ZNF260: variants seen among roughly 807,000 people sequenced by gnomAD.
ZNF260 encodes zfp-260.
A neutral mutation model predicts 29.3 loss-of-function variants in ZNF260; 21 were observed. The ratio of observed to expected loss-of-function variants is 0.72; its 90% CI spans 0.51 to 1.03. The LOEUF is 1.03. Ranked by LOEUF, ZNF260 falls within the 50% of genes least tolerant of loss-of-function variation. ZNF260 has a pLI of 0.00. For synonymous variants in ZNF260, 156 were observed against 156.8 expected, an observed-to-expected ratio of 0.99 and a Z score of 0.04; for missense variants, 465 against 487.8, an observed-to-expected ratio of 0.95 and a Z score of 0.44.
chr19:36,523,545 C>G (rs2034679512), intron 2 of ZNF260, among the ~76,000 whole-genome samples: 1 of 150,204 alleles, frequency 6.7e-6, no homozygotes, highest in Non-Finnish European at 1.5e-5. Context: ...ATCAAGTATA[C>G]ATATTAAATT....
intron 2 of ZNF260, among the ~76,000 whole-genome samples, chr19:36,519,198 C>T (rs1008517181): frequency 1.3e-5 from 2 of 152,110 alleles, no homozygotes; most frequent in Non-Finnish European, 2.9e-5. Context: ...TGTCTGAAAG[C>T]TTGGGAAGAA....
In ZNF260 at chr19:36,515,448, T is replaced by C. The variant is rs1270837808; in HGVS notation, c.-210A>G. ...AAAGGGATAAAATGTAACATTCTCTTTATATTCTTAATGGTTCTTATATAG... is the reference window on the plus strand; with the variant it reads ...AAAGGGATAAAATGTAACATTCTCTCTATATTCTTAATGGTTCTTATATAG... On this transcript the variant is annotated 5_prime_UTR_variant, in exon 3 of 3. Coordinates refer to ENST00000523638, the MANE Select transcript of ZNF260 (RefSeq NM_001166037.2). 2.0e-6 allele frequency: 1 copy of C among 501,952 alleles called. No homozygotes were observed. The highest frequency in any genetic ancestry group is 3.5e-6 in the Non-Finnish European group (1 of 282,188). The allele number at this position is 501,952 out of a possible 1,614,324, so 31.1% of individuals were successfully genotyped here.
rs1023101976 is a variant in ZNF260, at chr19:36,512,629, G to T, written c.*1371C>A. ...TAACCAATTCTTAGTACTAGGGCTG[G>T]TTAGTGTTGATTTTATTCAAATTCA... On this transcript the variant is annotated 3_prime_UTR_variant, in exon 3 of 3. Coordinates refer to ENST00000523638, the MANE Select transcript of ZNF260 (RefSeq NM_001166037.2). 2 of 131,360 alleles carry T rather than the reference G, an allele frequency of 1.5e-5. No homozygotes were observed. The highest frequency in any genetic ancestry group is 6.0e-5 in the African/African-American group (2 of 33,600). The allele number at this position is 131,360 out of a possible 1,614,324, so 8.1% of individuals were successfully genotyped here.
intron 2 of ZNF260, among the ~76,000 whole-genome samples, chr19:36,524,668 C>G (rs1397122478): frequency 2.0e-5 from 3 of 151,754 alleles, no homozygotes; most frequent in Non-Finnish European, 4.4e-5. Context: ...TGCGGCCTTC[C>G]GCAGTGTTTG....
chr19:36,520,136 T>A (rs2034618369), intron 2 of ZNF260, among the ~76,000 whole-genome samples: 1 of 148,854 alleles, frequency 6.7e-6, no homozygotes, highest in Non-Finnish European at 1.5e-5. Context: ...GAGGAGGAAG[T>A]TGCAGTGAAC....
rs1186047704 is a variant in ZNF260, at chr19:36,515,761, T to A, written c.-461-62A>T. 2.6e-5 allele frequency: 4 copies of A among 152,772 alleles called. No individual in the cohort carries two copies. In the South Asian group the frequency reaches 8.3e-4, roughly 32 times the overall value. 9.5% of individuals were successfully genotyped at this position (152,772 alleles called of 1,614,324 possible). On this transcript the variant is annotated intron_variant, in intron 2 of 2. Transcript: ENST00000523638. ...TTAATATAATATATAGTGCCTGGCA[T>A]GTAATAAGCGTCCAATAAATTAGGT...
At position 36,514,780 on chromosome 19, in the gene ZNF260, C is replaced by A; in HGVS notation, c.459G>T (p.Glu153Asp). 1 of 1,613,726 alleles carries A rather than the reference C, an allele frequency of 6.2e-7. No homozygotes were observed. The highest frequency in any genetic ancestry group is 1.1e-5 in the South Asian group (1 of 91,072). The change falls in exon 3 of 3, where the codon GAG becomes GAT. Residue 153 changes from glutamate to aspartate, a missense_variant. Glu to Asp is a conservative substitution (Grantham distance 45). Coordinates refer to ENST00000523638, the MANE Select transcript of ZNF260 (RefSeq NM_001166037.2). Reference protein sequence around the residue: ...KAFNGKAYLTEHEKIHTGEKP... With the variant: ...KAFNGKAYLTDHEKIHTGEKP... ...TTTCTCCAGTATGAATTTTCTCATGCTCAGTGAGATATGCTTTGCCGTTAA... is the reference window on the plus strand; with the variant it reads ...TTTCTCCAGTATGAATTTTCTCATGATCAGTGAGATATGCTTTGCCGTTAA...
rs576745197 is a variant in ZNF260, at chr19:36,514,735, C to T, written c.504G>A (p.Gln168=). ...GCTTCTGGCTGAAGGCTCTTCCACACTGATTACATTCAAATGGTTTTTCTC... is the reference window on the plus strand; with the variant it reads ...GCTTCTGGCTGAAGGCTCTTCCACATTGATTACATTCAAATGGTTTTTCTC... ...HTGEKPFECN[Q]CGRAFSQKQY... The change falls in exon 3 of 3, where the codon CAG becomes CAA. Residue 168 remains glutamine, a synonymous_variant. Coordinates refer to ENST00000523638, the MANE Select transcript of ZNF260 (RefSeq NM_001166037.2). The T allele has an allele frequency of 5.1e-5, 83 of 1,613,268 alleles. No homozygotes were observed. The East Asian group carries it at 1.7e-3, about 33-fold the overall frequency.
rs890458488 is a variant in ZNF260 at position 36,514,083 on chromosome 19, T to C, written c.1156A>G (p.Lys386Glu). 5 of 1,614,118 alleles carry C rather than the reference T, an allele frequency of 3.1e-6. No homozygotes were observed. Among genetic ancestry groups the C allele is most frequent in the Non-Finnish European group, 4.2e-6 (5 of 1,179,988 alleles). Residue 386 changes from lysine to glutamate, a missense_variant, in exon 3 of 3, where the codon AAA becomes GAA. Transcript: ENST00000523638. ...CCACATTCACTACACTGATAAGGTT[T>C]TTCACCAGTATGGATTCTCATGTGC... ...ALHMRIHTGE[K>E]PYQCSECGKA...
Position 36,514,280 on chromosome 19 carries a change from A to G in ZNF260, c.959T>C (p.Ile320Thr), listed in dbSNP as rs775467971. Residue 320 changes from isoleucine (I) to threonine (T), a missense_variant, in exon 3 of 3, where the codon ATT becomes ACT. Transcript: ENST00000523638. ...GKAFSRITSL[I>T]VHVRIHTGDK... Reference sequence around the variant, plus strand: ...ACCTGTATGAATTCTCACATGTACAATAAGTGATGTGATTCGAGAGAAGGC... The same window carrying G: ...ACCTGTATGAATTCTCACATGTACAGTAAGTGATGTGATTCGAGAGAAGGC... The G allele has an allele frequency of 1.3e-5, 21 of 1,614,012 alleles. No homozygotes were observed. In the Admixed American group the frequency reaches 2.8e-4, roughly 22 times the overall value.
At chr19:36,516,320 G>A (rs1471445687) in intron 2 of ZNF260, among the ~76,000 whole-genome samples, 1 of 152,176 alleles carries the variant, frequency 6.6e-6, no homozygotes, top group African/African-American at 2.4e-5. Context: ...ATAAGGCTAG[G>A]TATGGTGGTT....
Position 36,514,428 on chromosome 19 carries a change from T to C in ZNF260, c.811A>G (p.Ile271Val). Residue 271 changes from isoleucine to valine, a missense_variant, in exon 3 of 3, where the codon ATT becomes GTT. Ile to Val is a conservative substitution (Grantham distance 29). Coordinates refer to ENST00000523638, the MANE Select transcript of ZNF260 (RefSeq NM_001166037.2). The part of the protein sequence containing the change: ...SNLTEHEKIH[I>V]GEKPYKCNEC... ...TTACATTTGTAGGGTTTCTCTCCAA[T>C]ATGAATTTTCTCATGCTCTGTGAGA... The C allele has an allele frequency of 6.2e-7, 1 of 1,614,046 alleles. No homozygotes were observed. Among genetic ancestry groups the C allele is most frequent in the South Asian group, 1.1e-5 (1 of 91,074 alleles).
chr19:36,513,556 TTC>T lies in ZNF260; in HGVS notation c.*442_*443del, dbSNP rs1440029695. ...CATGCACACATTTCTGAATTCAATA[TTC>T]TGTCTCAGTCTCAGTTTTATGACTG... On this transcript the variant is annotated 3_prime_UTR_variant, in exon 3 of 3. Coordinates refer to ENST00000523638, the MANE Select transcript of ZNF260 (RefSeq NM_001166037.2). 1.5e-5 allele frequency: 6 copies of T among 400,248 alleles called. 1 individual carries two copies. Among genetic ancestry groups the T allele is most frequent in the Middle Eastern group, 1.3e-3 (2 of 1,566 alleles). The allele number at this position is 400,248 out of a possible 1,614,324, so 24.8% of individuals were successfully genotyped here. A position where few individuals can be genotyped will look rare whatever the true frequency, so the allele number is the denominator to read the frequency against.
At chr19:36,524,217 C>A (rs1435626839) in intron 2 of ZNF260, among the ~76,000 whole-genome samples, 1 of 151,776 alleles carries the variant, frequency 6.6e-6, no homozygotes, top group Non-Finnish European at 1.5e-5. Flanking sequence ...ACTCTGTTGC[C>A]CAGGCTGGAG....
chr19:36,526,765 T>G (rs1403161275), intron 1 of ZNF260, among the ~76,000 whole-genome samples: 4 of 152,212 alleles, frequency 2.6e-5, no homozygotes, highest in East Asian at 3.8e-4. Context: ...TGATTCATGT[T>G]TGTTGAATCC....
At chr19:36,516,115 G>A (rs992174389) in intron 2 of ZNF260, among the ~76,000 whole-genome samples, 10 of 151,954 alleles carry the variant, frequency 6.6e-5, no homozygotes, top group Admixed American at 1.3e-4. Context: ...TGGGTGATCC[G>A]CCCACCTCAG....
chr19:36,514,645 T>C lies in ZNF260; in HGVS notation c.594A>G (p.Gly198=). Residue 198 remains glycine (G), a synonymous_variant, in exon 3 of 3, where the codon GGA becomes GGG. Transcript: ENST00000523638. Reference sequence around the variant, plus strand: ...GGTTTTCCTTCTGGCTAAAAGCTTTTCCACACTCACTACATTTAAAGGGCT... The same window carrying C: ...GGTTTTCCTTCTGGCTAAAAGCTTTCCCACACTCACTACATTTAAAGGGCT... ...GKKPFKCSEC[G]KAFSQKENLI... 1.9e-6 allele frequency: 3 copies of C among 1,614,082 alleles called. No individual in the cohort carries two copies. The highest frequency in any genetic ancestry group is 2.5e-6 in the Non-Finnish European group (3 of 1,180,006).
chr19:36,523,545 CATATTAAATTTTGATAATAA>C, intron 2 of ZNF260, among the ~76,000 whole-genome samples: 1 of 150,204 alleles, frequency 6.7e-6, no homozygotes, highest in Non-Finnish European at 1.5e-5. Flanking sequence ...ATCAAGTATA[CATATTAAATTTTGATAATAA>C]TAGTATTATT....
chr19:36,521,907 T>C (rs1018994409), intron 2 of ZNF260, among the ~76,000 whole-genome samples: 1 of 150,064 alleles, frequency 6.7e-6, no homozygotes, highest in Non-Finnish European at 1.5e-5. Context: ...AAATTAGCTA[T>C]GCTTGGTGGT....
Sources: gnomAD v4.1 joint callset for allele counts (sites outside exome capture counted in the v4.1 genomes callset) on GRCh38, gnomAD v4.1.1 for gene constraint, MANE v1.5 for transcripts, NCBI Gene and HGNC (gene_info 2026-07-23, HGNC 2026-07-21) for gene names.